The following HMGN4 variants were observed in gnomAD, a reference collection of about 807,000 sequenced individuals.
HMGN4 encodes the protein high mobility group nucleosome-binding domain-containing protein 4.
For synonymous variants in HMGN4, 39 were observed against 39.1 expected (o/e 1.00, Z 0.01); for missense variants, 69 against 104.9 (o/e 0.66, Z 1.49).
chr6:26,538,584 G>A (rs1355967490), intron 1 of HMGN4, 83 bp downstream of exon 1: 1 of 152,936 alleles, frequency 6.5e-6, no homozygotes, highest in East Asian at 1.9e-4. Context: ...CGTATACTTA[G>A]GACCCTCCTG....
chr6:26,541,823 T>G (rs1165894240), intron 1 of HMGN4, among the ~76,000 whole-genome samples: 1 of 152,244 alleles, frequency 6.6e-6, no homozygotes, highest in Admixed American at 6.5e-5. Context: ...AGAGCTTTCA[T>G]GAGAATTTCA....
chr6:26,539,646 AAAAAAAAG>A (rs1261756508), intron 1 of HMGN4, among the ~76,000 whole-genome samples: 8 of 134,528 alleles, frequency 5.9e-5, no homozygotes, highest in South Asian at 2.6e-4. Context: ...AAAAAAAAAA[AAAAAAAAG>A]AAAAGAAAAG....
chr6:26,541,420 C>T (rs1203202291), intron 1 of HMGN4, among the ~76,000 whole-genome samples: 2 of 152,158 alleles, frequency 1.3e-5, no homozygotes, highest in African/African-American at 4.8e-5. Flanking sequence ...ACTTAAACAA[C>T]AAAAATTAAT....
Position 26,543,421 on chromosome 6 carries a change from C to CTTTTTTT in HMGN4, c.-80-1694_-80-1688dup, listed in dbSNP as rs70977285. Among the ~76,000 whole-genome samples the CTTTTTTT allele has an allele frequency of 1.4e-4, 11 of 80,136 alleles. 2 individuals are homozygous for CTTTTTTT. Among genetic ancestry groups the CTTTTTTT allele is most frequent in the Admixed American group, 3.3e-4 (2 of 6,052 alleles). 52.6% of individuals were successfully genotyped at this position (80,136 alleles called of 152,430 possible). A position where few individuals can be genotyped will look rare whatever the true frequency, so the allele number is the denominator to read the frequency against. On this transcript the variant is annotated intron_variant, in intron 1 of 1. Coordinates refer to ENST00000377575, the MANE Select transcript of HMGN4 (RefSeq NM_006353.3). ...CTGTATGTCTCAGTGGCACCATTAC[C>CTTTTTTT]TTTTTTTTTTTTTTTTTTGAAGCAG...
chr6:26,545,588 G>A lies in HMGN4; in HGVS notation c.*109G>A. The A allele has an allele frequency of 9.7e-7, 1 of 1,029,096 alleles. No homozygotes were observed. Among genetic ancestry groups the A allele is most frequent in the Non-Finnish European group, 1.4e-6 (1 of 727,150 alleles). 63.7% of individuals were successfully genotyped at this position (1,029,096 alleles called of 1,614,324 possible). A position where few individuals can be genotyped will look rare whatever the true frequency, so the allele number is the denominator to read the frequency against. ...TAGAATTTTGGCTTTTTTAAGTTAT[G>A]TTGTTAGCACACAGGACACTTCCTT... is the stretch of plus-strand genomic sequence containing the variant. On this transcript the variant is annotated 3_prime_UTR_variant, in exon 2 of 2. Transcript: ENST00000377575.
At chr6:26,540,088 C>T (rs1386993490) in intron 1 of HMGN4, 1 of 152,188 alleles carries the variant, frequency 6.6e-6, no homozygotes, top group Non-Finnish European at 1.5e-5. Flanking sequence ...ATGGCTCACT[C>T]CTTCTCTTTA....
Position 26,540,193 on chromosome 6 carries a change from T to C in HMGN4, c.-81+1692T>C, listed in dbSNP as rs1764272359. ...TCCTTTCTACCCCTGCATCTCCCAG[T>C]CTCTCTCACTTAACCTCCGTGGAAA... On this transcript the variant is annotated intron_variant, in intron 1 of 1. Transcript: ENST00000377575. 2.0e-5 allele frequency among the ~76,000 whole-genome samples: 3 copies of C among 152,144 alleles called. No individual in the cohort carries two copies. In the South Asian group the frequency reaches 6.2e-4, roughly 32 times the overall value.
chr6:26,545,288 T>C lies in HMGN4; in HGVS notation c.82T>C (p.Leu28=), dbSNP rs1358846546. Residue 28 remains leucine (L), a synonymous_variant, in exon 2 of 2, where the codon TTG becomes CTG. Transcript: ENST00000377575. ...KDEPQRRSAR[L]SAKPAPPKPE... is the part of the protein sequence containing the mutation. ...TGAGCCACAGAGGAGATCAGCTCGGTTGTCTGCTAAACCAGCTCCTCCAAA... is the reference window on the plus strand; with the variant it reads ...TGAGCCACAGAGGAGATCAGCTCGGCTGTCTGCTAAACCAGCTCCTCCAAA... 2 of 1,614,094 alleles carry C rather than the reference T, an allele frequency of 1.2e-6. No individual in the cohort carries two copies. The highest frequency in any genetic ancestry group is 1.7e-5 in the Admixed American group (1 of 60,016).
rs34511704 is a variant in HMGN4, at chr6:26,545,468, G to A, written c.262G>A (p.Asp88Asn). Residue 88 changes from aspartate to asparagine, a missense_variant, in exon 2 of 2, where the codon GAT becomes AAT. Transcript: ENST00000377575. ...LQSQKAEGTGDAK is the reference protein window; with the variant it reads ...LQSQKAEGTGNAK ...GTCCCAGAAAGCGGAAGGCACTGGG[G>A]ATGCCAAGTGAAATGTACATTTTTG... The A allele has an allele frequency of 2.8e-3, 4,419 of 1,556,584 alleles. 61 individuals carry two copies. The highest frequency in any genetic ancestry group is 0.026 in the South Asian group (2,177 of 82,398).
intron 1 of HMGN4, among the ~76,000 whole-genome samples, chr6:26,543,166 C>G (rs906298369): frequency 6.6e-6 from 1 of 152,130 alleles, no homozygotes; most frequent in African/African-American, 2.4e-5. Context: ...AATAATTATA[C>G]TAGGGCAACA....
rs1764293014 is a variant in HMGN4 at position 26,542,114 on chromosome 6, A to G, written c.-80-3013A>G. ...CAGTTAATAATTTTTCTTTTCTTCC[A>G]CATGCATGAAGGAGTATTTGTAATG... On this transcript the variant is annotated intron_variant, in intron 1 of 1. Coordinates refer to ENST00000377575, the MANE Select transcript of HMGN4 (RefSeq NM_006353.3). This position sits in a 1 kb window ranked among gnomAD's most constrained non-coding sequence, Gnocchi z 4.6. 6.6e-6 allele frequency among the ~76,000 whole-genome samples: 1 copy of G among 152,156 alleles called. No homozygotes were observed. Among genetic ancestry groups the G allele is most frequent in the South Asian group, 2.1e-4 (1 of 4,834 alleles).
At chr6:26,538,590 TC>T (rs1378185483) in intron 1 of HMGN4, 89 bp downstream of exon 1, 4 of 152,980 alleles carry the variant, frequency 2.6e-5, no homozygotes, top group African/African-American at 7.2e-5. Flanking sequence ...CTTAGGACCC[TC>T]CTGCCAGCTG....
chr6:26,545,105 C>T lies in HMGN4; in HGVS notation c.-80-22C>T, dbSNP rs755659. On this transcript the variant is annotated intron_variant, in intron 1 of 1. Coordinates refer to ENST00000377575, the MANE Select transcript of HMGN4 (RefSeq NM_006353.3). Reference sequence around the variant, plus strand: ...CGTCAGTCTTTCCCTTTATGGTTTACGCTTTTTGTGTCTTGTTAAAGACAT... The same window carrying T: ...CGTCAGTCTTTCCCTTTATGGTTTATGCTTTTTGTGTCTTGTTAAAGACAT... 3,236 of 1,007,628 alleles carry T rather than the reference C, an allele frequency of 3.2e-3. 180 individuals carry two copies. The Admixed American group carries it at 0.077, about 24-fold the overall frequency. The allele number at this position is 1,007,628 out of a possible 1,614,324, so 62.4% of individuals were successfully genotyped here.
intron 1 of HMGN4, among the ~76,000 whole-genome samples, chr6:26,539,561 G>A (rs1044427551): frequency 6.7e-6 from 1 of 149,108 alleles, no homozygotes; most frequent in Non-Finnish European, 1.5e-5. Context: ...ATGAGCCACC[G>A]CGCCCAACCG....
chr6:26,546,844 A>G lies in HMGN4; in HGVS notation c.*1365A>G, dbSNP rs971918132. On this transcript the variant is annotated 3_prime_UTR_variant, in exon 2 of 2. Transcript: ENST00000377575. ...ATCTGGTAAACCATGTCATCTTTAC[A>G]ATGTTGTCTTCCAATACATGAATAT... 6.6e-6 allele frequency among the ~76,000 whole-genome samples: 1 copy of G among 152,248 alleles called. No individual in the cohort carries two copies. The highest frequency in any genetic ancestry group is 2.4e-5 in the African/African-American group (1 of 41,466).
Position 26,545,528 on chromosome 6 carries a change from A to C in HMGN4, c.*49A>C. On this transcript the variant is annotated 3_prime_UTR_variant, in exon 2 of 2. Coordinates refer to ENST00000377575, the MANE Select transcript of HMGN4 (RefSeq NM_006353.3). Reference sequence around the variant, plus strand: ...TACTTATAGTGACTCTACTGTTTGAAATACTATTTTTTTAAATCAAGTTTT... The same window carrying C: ...TACTTATAGTGACTCTACTGTTTGACATACTATTTTTTTAAATCAAGTTTT... 1 of 1,455,496 alleles carries C rather than the reference A, an allele frequency of 6.9e-7. No homozygotes were observed. Among genetic ancestry groups the C allele is most frequent in the South Asian group, 1.5e-5 (1 of 64,634 alleles). 90.2% of individuals were successfully genotyped at this position (1,455,496 alleles called of 1,614,324 possible).
chr6:26,543,784 A>C (rs1172440684), intron 1 of HMGN4, among the ~76,000 whole-genome samples: 1 of 147,990 alleles, frequency 6.8e-6, no homozygotes, highest in Non-Finnish European at 1.5e-5. Context: ...AAAAAAAAAA[A>C]AAAAAAAAAA....
rs70977285 is a variant in HMGN4, at chr6:26,543,421, C to CTTTTTTTTTTTTTTTT, written c.-80-1703_-80-1688dup. 9.6e-4 allele frequency among the ~76,000 whole-genome samples: 77 copies of CTTTTTTTTTTTTTTTT among 80,118 alleles called. 12 individuals are homozygous for CTTTTTTTTTTTTTTTT. Among genetic ancestry groups the CTTTTTTTTTTTTTTTT allele is most frequent in the East Asian group, 2.6e-3 (5 of 1,896 alleles). 52.6% of individuals were successfully genotyped at this position (80,118 alleles called of 152,430 possible). A position where few individuals can be genotyped will look rare whatever the true frequency, so the allele number is the denominator to read the frequency against. Reference sequence around the variant, plus strand: ...CTGTATGTCTCAGTGGCACCATTACCTTTTTTTTTTTTTTTTTTGAAGCAG... The same window carrying CTTTTTTTTTTTTTTTT: ...CTGTATGTCTCAGTGGCACCATTACCTTTTTTTTTTTTTTTTTTTTTTTTTTTTTTTTTTGAAGCAG... On this transcript the variant is annotated intron_variant, in intron 1 of 1. Coordinates refer to ENST00000377575, the MANE Select transcript of HMGN4 (RefSeq NM_006353.3).
Position 26,545,328 on chromosome 6 carries a change from C to G in HMGN4, c.122C>G (p.Pro41Arg), listed in dbSNP as rs200609248. The change falls in exon 2 of 2, where the codon CCT (proline) becomes CGT (arginine). Residue 41 changes from proline to arginine, a missense_variant. By Grantham distance (103) the Pro-to-Arg change is moderately radical (BLOSUM62 -2). Coordinates refer to ENST00000377575, the MANE Select transcript of HMGN4 (RefSeq NM_006353.3). The part of the protein sequence containing the change: ...KPAPPKPEPR[P>R]KKASAKKGEK... ...GCTCCTCCAAAACCAGAGCCCAGGC[C>G]TAAAAAGGCCTCTGCAAAGAAGGGA... 1 of 1,613,966 alleles carries G rather than the reference C, an allele frequency of 6.2e-7. No individual in the cohort carries two copies. The highest frequency in any genetic ancestry group is 8.5e-7 in the Non-Finnish European group (1 of 1,180,026).
Sources: allele counts gnomAD v4.1 joint callset (sites outside exome capture counted in the v4.1 genomes callset), GRCh38; gene constraint gnomAD v4.1.1; non-coding constraint Gnocchi (gnomAD v3.1); transcripts MANE v1.5; gene names NCBI Gene and HGNC (gene_info 2026-07-23, HGNC 2026-07-21).